Variants in TMEM108 observed in about 807,000 individuals in gnomAD.
TMEM108 encodes the protein cancer/testis antigen 124.
A neutral mutation model predicts 35.1 loss-of-function variants in TMEM108; 12 were observed. The observed-to-expected ratio is 0.34, with a 90% CI of 0.22 to 0.55. The LOEUF (loss-of-function observed/expected upper bound fraction) is 0.55, where lower values mean the gene tolerates loss of function less well. Among genes scored for constraint, TMEM108 ranks in the 20% least tolerant of loss-of-function variants. The pLI is 0.89. For synonymous variants in TMEM108, 287 were observed against 308.6 expected (o/e 0.93, Z 0.73); for missense variants, 680 against 753.3 (o/e 0.90, Z 1.14).
intron 3 of TMEM108, among the ~76,000 whole-genome samples, chr3:133,281,424 C>T (rs1376001747): frequency 2.0e-5 from 3 of 152,196 alleles, no homozygotes; most frequent in Non-Finnish European, 4.4e-5. Flanking sequence ...AGAGTTATAA[C>T]GTCAGATAAA....
At chr3:133,255,098 T>C (rs1946527016) in intron 3 of TMEM108, among the ~76,000 whole-genome samples, 1 of 152,206 alleles carries the variant, frequency 6.6e-6, no homozygotes, top group African/African-American at 2.4e-5. Flanking sequence ...TTCAGAGTCA[T>C]GCAGCATCAC....
chr3:133,272,278 T>G (rs1239906563), intron 3 of TMEM108, among the ~76,000 whole-genome samples: 1 of 139,586 alleles, frequency 7.2e-6, no homozygotes, highest in Non-Finnish European at 1.5e-5. Context: ...CGTACGTGTG[T>G]GTGTGTGTGT....
intron 2 of TMEM108, among the ~76,000 whole-genome samples, chr3:133,135,762 A>G (rs1944556608): frequency 6.6e-6 from 1 of 152,168 alleles, no homozygotes; most frequent in Admixed American, 6.5e-5. Context: ...ATCTTAACAG[A>G]TTCAAAGTGT....
chr3:133,073,526 A>ATATATATATATATATATATT (rs1195384146), intron 2 of TMEM108, among the ~76,000 whole-genome samples: 26 of 116,654 alleles, frequency 2.2e-4, no homozygotes, highest in East Asian at 7.3e-4. Context: ...ATATATATAT[A>ATATATATATATATATATATT]TATATATATC....
At chr3:133,329,617 G>T (rs2071370314) in intron 3 of TMEM108, among the ~76,000 whole-genome samples, 1 of 152,140 alleles carries the variant, frequency 6.6e-6, no homozygotes, top group Non-Finnish European at 1.5e-5. Context: ...TTTTGGGAGA[G>T]ATTTTACTTA....
chr3:133,200,530 G>A (rs528525780), intron 2 of TMEM108, among the ~76,000 whole-genome samples: 3 of 152,252 alleles, frequency 2.0e-5, no homozygotes, highest in Admixed American at 2.0e-4. Context: ...GAAGAATACA[G>A]ACTCTTCTCG....
intron 2 of TMEM108, among the ~76,000 whole-genome samples, chr3:133,079,229 C>G (rs1943780940): frequency 6.6e-6 from 1 of 152,142 alleles, no homozygotes; most frequent in African/African-American, 2.4e-5. Context: ...ATATGCAATG[C>G]ATATACATTT....
At chr3:133,378,242 C>A (rs1576527558) in intron 3 of TMEM108, 2 of 704,256 alleles carry the variant, frequency 2.8e-6, no homozygotes, top group Non-Finnish European at 3.5e-6. Context: ...GGTGAGGACA[C>A]AGGCCCATGC....
At chr3:133,189,769 A>G (rs1243126445) in intron 2 of TMEM108, among the ~76,000 whole-genome samples, 1 of 152,216 alleles carries the variant, frequency 6.6e-6, no homozygotes, top group African/African-American at 2.4e-5. Context: ...AGACACATGA[A>G]GGACTTATTA....
At position 133,368,464 on chromosome 3, in the gene TMEM108, A is replaced by G. The variant is rs145960290; in HGVS notation, c.41-11288A>G. On this transcript the variant is annotated intron_variant, in intron 3 of 5. Transcript: ENST00000321871. ...TAGGTAATTAGGAATGGAGCTTACC[A>G]TGGCGGGAGCAATTGTGGAATGAGA... is the stretch of plus-strand genomic sequence containing the variant. Among the ~76,000 whole-genome samples the G allele has an allele frequency of 8.2e-3, 1,246 of 152,302 alleles. 9 individuals are homozygous for G. The highest frequency in any genetic ancestry group is 0.012 in the Non-Finnish European group (825 of 68,018).
intron 2 of TMEM108, among the ~76,000 whole-genome samples, chr3:133,177,590 G>C (rs904100720): frequency 7.2e-5 from 11 of 152,180 alleles, no homozygotes; most frequent in African/African-American, 2.4e-4. Context: ...AATAGATGCA[G>C]AAAAGGCCTT....
rs989267864 is a variant in TMEM108 at position 133,304,512 on chromosome 3, C to T, written c.40+75161C>T. Among the ~76,000 whole-genome samples the T allele has an allele frequency of 1.2e-4, 18 of 152,126 alleles. 1 individual carries two copies. The highest frequency in any genetic ancestry group is 4.3e-4 in the African/African-American group (18 of 41,396). ...GCCCATTTATAGCACTTCACTCCCA[C>T]CTCCAGCCCTATGCAACCACTGAGC... On this transcript the variant is annotated intron_variant, in intron 3 of 5. Transcript: ENST00000321871.
intron 2 of TMEM108, among the ~76,000 whole-genome samples, chr3:133,218,696 T>G (rs1264176177): frequency 6.6e-6 from 1 of 152,100 alleles, no homozygotes; most frequent in East Asian, 1.9e-4. Flanking sequence ...GACTTGTGTA[T>G]GTTGAAGCAT....
At chr3:133,068,188 C>T (rs1174972851) in intron 2 of TMEM108, among the ~76,000 whole-genome samples, 2 of 152,000 alleles carry the variant, frequency 1.3e-5, no homozygotes, top group Non-Finnish European at 2.9e-5. Context: ...GATTAAGTTT[C>T]CCACATGAAC....
intron 2 of TMEM108, among the ~76,000 whole-genome samples, chr3:133,056,060 T>C (rs1297124265): frequency 6.6e-6 from 1 of 151,228 alleles, no homozygotes; most frequent in East Asian, 1.9e-4. Flanking sequence ...CTCCATTTTT[T>C]CCTTCCATTA....
chr3:133,077,537 A>T (rs1335338715), intron 2 of TMEM108, among the ~76,000 whole-genome samples: 1 of 152,158 alleles, frequency 6.6e-6, no homozygotes, highest in Non-Finnish European at 1.5e-5. Context: ...GGGGTGAAGG[A>T]TGGATCTTGT....
intron 2 of TMEM108, among the ~76,000 whole-genome samples, chr3:133,195,283 T>TTAAG (rs1398565071): frequency 1.3e-5 from 2 of 152,164 alleles, no homozygotes; most frequent in African/African-American, 4.8e-5. Context: ...CCCACAAAAT[T>TTAAG]TAAGTAATGT....
chr3:133,105,742 C>G (rs1944142635), intron 2 of TMEM108, among the ~76,000 whole-genome samples: 1 of 152,176 alleles, frequency 6.6e-6, no homozygotes, highest in African/African-American at 2.4e-5. Flanking sequence ...GCATATATTC[C>G]TTGAAAACTA....
intron 2 of TMEM108, among the ~76,000 whole-genome samples, chr3:133,112,620 T>C (rs1944239581): frequency 6.6e-6 from 1 of 152,186 alleles, no homozygotes; most frequent in African/African-American, 2.4e-5. Flanking sequence ...CACATGGTGA[T>C]TGGTCAGACA....
Sources: allele counts gnomAD v4.1 joint callset (sites outside exome capture counted in the v4.1 genomes callset), GRCh38; gene constraint gnomAD v4.1.1; transcripts MANE v1.5; gene names NCBI Gene and HGNC (gene_info 2026-07-23, HGNC 2026-07-21).